MTMR3: variants seen among roughly 807,000 people sequenced by gnomAD.
MTMR3 encodes phosphatidylinositol-3,5-bisphosphate 3-phosphatase MTMR3.
In MTMR3, 32 loss-of-function variants were observed where a neutral mutation model predicts 132.4. The observed-to-expected ratio is 0.24, with a 90% confidence interval of 0.18 to 0.32. The LOEUF is 0.32. Ranked by LOEUF, MTMR3 falls within the 10% of genes least tolerant of loss-of-function variation. MTMR3 has a pLI of 1.00. For synonymous variants in MTMR3, 556 were observed against 550.3 expected (o/e 1.01, Z -0.14); for missense variants, 1,216 against 1,489.6 (o/e 0.82, Z 3.02).
At chr22:29,908,195 A>G (rs1487259337) in intron 1 of MTMR3, among the ~76,000 whole-genome samples, 1 of 152,228 alleles carries the variant, frequency 6.6e-6, no homozygotes, top group Non-Finnish European at 1.5e-5. Context: ...CTTTCCTTCT[A>G]CGGACCTGGA....
At chr22:29,921,219 G>C (rs2065405241) in intron 1 of MTMR3, among the ~76,000 whole-genome samples, 1 of 152,130 alleles carries the variant, frequency 6.6e-6, no homozygotes, top group African/African-American at 2.4e-5. Context: ...AGGTGAAGGG[G>C]GAACAGGCGT....
At chr22:29,921,203 G>C (rs1012867779) in intron 1 of MTMR3, among the ~76,000 whole-genome samples, 1 of 152,156 alleles carries the variant, frequency 6.6e-6, no homozygotes, top group Non-Finnish European at 1.5e-5. Context: ...TTCCAGTCAC[G>C]TTGGAAGGTG....
At chr22:29,947,342 TG>T (rs1307572934) in intron 1 of MTMR3, among the ~76,000 whole-genome samples, 83 of 152,126 alleles carry the variant, frequency 5.5e-4, no homozygotes, top group South Asian at 1.7e-3. Flanking sequence ...CTGTGTGGAT[TG>T]TTTTTTTTAA....
chr22:29,929,541 G>T (rs2145786909), intron 1 of MTMR3, among the ~76,000 whole-genome samples: 1 of 150,766 alleles, frequency 6.6e-6, no homozygotes, highest in South Asian at 2.1e-4. Flanking sequence ...ACAGAGTCTT[G>T]CTCTGTCACC....
chr22:29,911,069 G>T (rs1036872061), intron 1 of MTMR3, among the ~76,000 whole-genome samples: 3 of 152,102 alleles, frequency 2.0e-5, no homozygotes, highest in African/African-American at 7.2e-5. Context: ...TTTCATTCCT[G>T]CCCTACCCCA....
At chr22:29,979,985 A>G (rs898486378) in intron 5 of MTMR3, 5 of 152,234 alleles carry the variant, frequency 3.3e-5, no homozygotes, top group South Asian at 2.1e-4. Flanking sequence ...AATGAAACGA[A>G]TAAAGGCTTG....
intron 1 of MTMR3, among the ~76,000 whole-genome samples, chr22:29,920,931 C>G (rs531588226): frequency 2.2e-4 from 27 of 122,996 alleles, no homozygotes; most frequent in African/African-American, 7.8e-4. Context: ...GCTTACACAT[C>G]TAATATGTCA....
chr22:29,936,358 GCTTC>G (rs2065750146), intron 1 of MTMR3, among the ~76,000 whole-genome samples: 1 of 152,040 alleles, frequency 6.6e-6, no homozygotes, highest in Admixed American at 6.6e-5. Flanking sequence ...TCAGCTTTTT[GCTTC>G]CTTGTTCTTA....
intron 3 of MTMR3, among the ~76,000 whole-genome samples, 182 bp downstream of exon 3, chr22:29,971,244 A>G (rs775163574): frequency 2.0e-5 from 3 of 152,046 alleles, no homozygotes; most frequent in Non-Finnish European, 2.9e-5. Context: ...GAGTACTCCA[A>G]TATACAGAGC....
chr22:29,981,831 G>GA (rs547696174), intron 5 of MTMR3: 1,171 of 115,660 alleles, frequency 0.01, 10 homozygotes, highest in African/African-American at 0.02. Flanking sequence ...AAAAAAAAAG[G>GA]AAAAAAAAAA....
chr22:30,014,502 C>CTTTTTTTTTTTTTTTTT lies in MTMR3; in HGVS notation c.1503+969_1503+985dup, dbSNP rs56934428. 2 of 78,814 alleles carry CTTTTTTTTTTTTTTTTT rather than the reference C, an allele frequency of 2.5e-5. 1 individual carries two copies. Among genetic ancestry groups the CTTTTTTTTTTTTTTTTT allele is most frequent in the Non-Finnish European group, 4.9e-5 (2 of 40,680 alleles). 4.9% of individuals were successfully genotyped at this position (78,814 alleles called of 1,614,324 possible). A position where few individuals can be genotyped will look rare whatever the true frequency, so the allele number is the denominator to read the frequency against. On this transcript the variant is annotated intron_variant, in intron 14 of 19. Coordinates refer to ENST00000401950, the MANE Select transcript of MTMR3 (RefSeq NM_021090.4). ...CTGATTCCCCTTAATCCCTCCAGTT[C>CTTTTTTTTTTTTTTTTT]TTTTTTTTTTTTTTTTTTTTTTTTC...
At chr22:29,896,916 A>ACACACACACACACAC (rs2064912817) in intron 1 of MTMR3, among the ~76,000 whole-genome samples, 2 of 92,438 alleles carry the variant, frequency 2.2e-5, no homozygotes, top group African/African-American at 3.6e-5. Flanking sequence ...CACACACACA[A>ACACACACACACACAC]ATCCCATATA....
intron 17 of MTMR3, 67 bp from the exon 18 acceptor site, chr22:30,021,962 C>T (rs2067768286): frequency 7.7e-6 from 10 of 1,303,578 alleles, no homozygotes; most frequent in African/African-American, 1.5e-5. Context: ...CCCTTCTTCA[C>T]CAGGCCTTTT....
At chr22:29,980,841 T>G (rs773011863) in intron 5 of MTMR3, 1 of 152,276 alleles carries the variant, frequency 6.6e-6, no homozygotes, top group Non-Finnish European at 1.5e-5. Context: ...TCACTACTTC[T>G]ATGATGAAGA....
chr22:30,025,841 C>T lies in MTMR3; in HGVS notation c.*40C>T, dbSNP rs528603691. ...GGTGGGCAGTGGCCAAGCTGCTGTT[C>T]CTATGACAGGCCCACTCAACCTGGG... On this transcript the variant is annotated 3_prime_UTR_variant, in exon 20 of 20. Transcript: ENST00000401950. 5.0e-6 allele frequency: 8 copies of T among 1,607,710 alleles called. No individual in the cohort carries two copies. The highest frequency in any genetic ancestry group is 1.7e-5 in the Admixed American group (1 of 59,996).
rs755680177 is a variant in MTMR3 at position 30,020,534 on chromosome 22, G to A, written c.2875G>A (p.Ala959Thr). Residue 959 changes from alanine (A) to threonine (T), a missense_variant, in exon 17 of 20, where the codon GCC (alanine) becomes ACC (threonine). Transcript: ENST00000401950. ...QMYPTPNGHC[A>T]NGEAGRSKDS... ...GTACCCCACACCCAATGGGCATTGC[G>A]CCAATGGGGAGGCTGGTAGGAGCAA... 2.3e-5 allele frequency: 37 copies of A among 1,614,164 alleles called. No individual in the cohort carries two copies. Among genetic ancestry groups the A allele is most frequent in the Middle Eastern group, 1.6e-4 (1 of 6,062 alleles).
At chr22:30,025,604 A>T in intron 19 of MTMR3, 26 bp from the exon 20 acceptor site, 1 of 1,613,602 alleles carries the variant, frequency 6.2e-7, no homozygotes, top group African/African-American at 1.3e-5. Context: ...CAAAACTAAC[A>T]TTGTTCTGTT....
intron 1 of MTMR3, among the ~76,000 whole-genome samples, chr22:29,943,016 T>A (rs1432920500): frequency 6.6e-6 from 1 of 152,180 alleles, no homozygotes; most frequent in African/African-American, 2.4e-5. Context: ...CTGTGAAATC[T>A]TCATAATTTA....
chr22:30,005,635 A>G (rs2067258536), intron 9 of MTMR3: 1 of 152,216 alleles, frequency 6.6e-6, no homozygotes, highest in Admixed American at 6.5e-5. Flanking sequence ...ATACACAAGT[A>G]CTTACAGCTA....
Sources: allele counts gnomAD v4.1 joint callset (sites outside exome capture counted in the v4.1 genomes callset), GRCh38; gene constraint gnomAD v4.1.1; transcripts MANE v1.5; gene names NCBI Gene and HGNC (gene_info 2026-07-23, HGNC 2026-07-21).